The following RAB38 variants were observed in gnomAD, a reference collection of about 807,000 sequenced individuals.
The protein encoded by RAB38 is ras-related protein Rab-38.
RAB38 carries 15 observed loss-of-function variants against 18.4 expected under a neutral mutation model. The observed-to-expected ratio is 0.82, with a 90% CI of 0.55 to 1.26. The LOEUF is 1.26. Ranked by LOEUF, RAB38 falls within the 50% of genes most tolerant of loss-of-function variation. The pLI is 0.00. For missense variants in RAB38, 294 were observed against 267.4 expected (o/e 1.10, Z -0.69); for synonymous variants, 101 against 104.4 (o/e 0.97, Z 0.20).
At chr11:87,822,098 G>C in the RAB38 span, among the ~76,000 whole-genome samples, 1 of 149,944 alleles carries the variant, frequency 6.7e-6, no homozygotes, top group East Asian at 2.0e-4. Context: ...ATTAAAACAG[G>C]GACTAAAATA....
the RAB38 span, among the ~76,000 whole-genome samples, chr11:88,030,236 G>C: frequency 6.6e-6 from 1 of 152,218 alleles, no homozygotes; most frequent in Non-Finnish European, 1.5e-5. Context: ...GCAGTGTGTA[G>C]AGAGAAATTT....
chr11:88,024,315 G>A, the RAB38 span, among the ~76,000 whole-genome samples: 1 of 152,036 alleles, frequency 6.6e-6, no homozygotes, highest in Non-Finnish European at 1.5e-5. Flanking sequence ...CAGAGAAATG[G>A]AAATCAAAAC....
chr11:87,944,667 T>C, the RAB38 span, among the ~76,000 whole-genome samples: 2 of 152,258 alleles, frequency 1.3e-5, no homozygotes, highest in East Asian at 3.9e-4. Context: ...TCTTAAACAG[T>C]CTTTTCTACT....
At chr11:87,849,863 A>G in the RAB38 span, among the ~76,000 whole-genome samples, 1 of 152,108 alleles carries the variant, frequency 6.6e-6, no homozygotes. Flanking sequence ...AACAATATAT[A>G]GGTATTTTCT....
chr11:88,115,378 T>C (rs1281238051), intron 2 of RAB38: 5 of 152,322 alleles, frequency 3.3e-5, no homozygotes, highest in South Asian at 2.1e-4. Context: ...TTTGAGATCA[T>C]TGAATGGAGT....
chr11:88,133,833 T>A (rs541863196), intron 2 of RAB38, among the ~76,000 whole-genome samples: 169 of 152,336 alleles, frequency 1.1e-3, no homozygotes, highest in African/African-American at 3.9e-3. Flanking sequence ...TTATTAGGGC[T>A]GTCTACTGAG....
the RAB38 span, among the ~76,000 whole-genome samples, chr11:88,077,687 A>G: frequency 2.0e-5 from 3 of 152,186 alleles, no homozygotes; most frequent in Non-Finnish European, 4.4e-5. Flanking sequence ...CTACCAGAAG[A>G]AAATATTGGG....
At chr11:87,915,662 A>G in the RAB38 span, among the ~76,000 whole-genome samples, 1 of 152,158 alleles carries the variant, frequency 6.6e-6, no homozygotes, top group Non-Finnish European at 1.5e-5. Context: ...AACCATGAAA[A>G]TGGACAACCA....
the RAB38 span, among the ~76,000 whole-genome samples, chr11:87,870,998 TA>T: frequency 2.0e-5 from 3 of 151,746 alleles, no homozygotes; most frequent in Non-Finnish European, 4.4e-5. Flanking sequence ...AAAATATTTT[TA>T]TAGCCATATT....
At chr11:87,966,450 G>A in the RAB38 span, among the ~76,000 whole-genome samples, 1 of 152,064 alleles carries the variant, frequency 6.6e-6, no homozygotes, top group Non-Finnish European at 1.5e-5. Context: ...GTACTCAGAT[G>A]GTAGGGAAAA....
the RAB38 span, among the ~76,000 whole-genome samples, chr11:87,897,119 C>T: frequency 6.6e-6 from 1 of 151,438 alleles, no homozygotes; most frequent in South Asian, 2.1e-4. Flanking sequence ...AGAATAAGAA[C>T]ATGTAAACAT....
intron 2 of RAB38, among the ~76,000 whole-genome samples, chr11:88,145,864 G>T (rs374620194): frequency 6.6e-6 from 1 of 152,096 alleles, no homozygotes; most frequent in African/African-American, 2.4e-5. Flanking sequence ...CCAGGAATTT[G>T]GGGGGCAAAA....
At chr11:87,854,570 C>G in the RAB38 span, among the ~76,000 whole-genome samples, 1 of 152,008 alleles carries the variant, frequency 6.6e-6, no homozygotes, top group Non-Finnish European at 1.5e-5. Flanking sequence ...CAAGTAAAGA[C>G]ATGATAAATG....
the RAB38 span, among the ~76,000 whole-genome samples, chr11:88,037,549 A>C: frequency 6.6e-6 from 1 of 152,138 alleles, no homozygotes; most frequent in Non-Finnish European, 1.5e-5. Flanking sequence ...TCACCTCCAC[A>C]AAAACTCTTT....
chr11:88,102,958 G>A, the RAB38 span, among the ~76,000 whole-genome samples: 2 of 151,940 alleles, frequency 1.3e-5, no homozygotes, highest in Non-Finnish European at 2.9e-5. Context: ...TCATTCCACA[G>A]AGTGCCCTTT....
chr11:88,004,445 C>A, the RAB38 span, among the ~76,000 whole-genome samples: 2 of 151,130 alleles, frequency 1.3e-5, no homozygotes, highest in Admixed American at 1.3e-4. Flanking sequence ...CAAAAACTAT[C>A]AGAAAACCTG....
At chr11:88,138,790 TTA>T (rs758839373) in intron 2 of RAB38, among the ~76,000 whole-genome samples, 90 of 44,624 alleles carry the variant, frequency 2.0e-3, no homozygotes, top group Admixed American at 6.4e-3. Context: ...TTTTTTTTTA[TTA>T]TTTTTTTTGA....
the RAB38 span, among the ~76,000 whole-genome samples, chr11:87,972,155 G>A: frequency 6.6e-6 from 1 of 152,038 alleles, no homozygotes; most frequent in Non-Finnish European, 1.5e-5. Flanking sequence ...AAAATAGTAT[G>A]GCGCCAAAAA....
chr11:87,924,224 T>G, the RAB38 span, among the ~76,000 whole-genome samples: 3 of 152,010 alleles, frequency 2.0e-5, no homozygotes, highest in African/African-American at 7.2e-5. Context: ...AATCTGTATT[T>G]GAACTCAAAA....
Sources: gnomAD v4.1 joint callset for allele counts (sites outside exome capture counted in the v4.1 genomes callset) on GRCh38, gnomAD v4.1.1 for gene constraint, MANE v1.5 for transcripts, NCBI Gene and HGNC (gene_info 2026-07-23, HGNC 2026-07-21) for gene names.